Variants in CORIN observed in about 807,000 individuals in gnomAD.
CORIN encodes the protein corin, serine peptidase, also known as atrial natriuretic peptide-converting enzyme.
Under a neutral mutation model 125.3 loss-of-function variants are expected in CORIN, and 117 were observed. The observed-to-expected ratio is 0.93, with a 90% CI of 0.80 to 1.09. The LOEUF is 1.09. Among genes scored for constraint, CORIN ranks in the 50% least tolerant of loss-of-function variants. CORIN has a pLI of 0.00. For missense variants in CORIN, 1,253 were observed against 1,306.7 expected (o/e 0.96, Z 0.63); for synonymous variants, 450 against 466.4 (o/e 0.96, Z 0.45).
Position 47,600,319 on chromosome 4 carries a change from G to T in CORIN, c.2841C>A (p.Val947=), listed in dbSNP as rs1432560283. Residue 947 remains valine (V), a synonymous_variant, in exon 21 of 22, where the codon GTC becomes GTA. Coordinates refer to ENST00000273857, the MANE Select transcript of CORIN (RefSeq NM_006587.4). ...GACAATGTTCCAGAGAAATAATGCG[G>T]ACCTCTCCCTCTTGCAGCTTAAATG... The part of the protein sequence containing the change: ...KMPFKLQEGE[V]RIISLEHCQS... 2.4e-5 allele frequency: 39 copies of T among 1,612,698 alleles called. No individual in the cohort carries two copies. The East Asian group carries it at 8.7e-4, about 36-fold the overall frequency.
Position 47,804,771 on chromosome 4 carries a change from A to G in CORIN, c.208+2132T>C, listed in dbSNP as rs181731120. ...TTGTTAATGGGTACAAAAATTATGT[A>G]TAGTTAGAAAGAATGAATAAGATAT... On this transcript the variant is annotated intron_variant, in intron 2 of 21. Transcript: ENST00000273857. Among the ~76,000 whole-genome samples, 1,060 of 151,614 alleles carry G rather than the reference A, an allele frequency of 7.0e-3. 13 individuals carry two copies. Among genetic ancestry groups the G allele is most frequent in the African/African-American group, 0.024 (999 of 41,244 alleles).
intron 9 of CORIN, among the ~76,000 whole-genome samples, chr4:47,677,479 C>CT (rs1454803793): frequency 6.6e-6 from 1 of 152,134 alleles, no homozygotes; most frequent in East Asian, 1.9e-4. Flanking sequence ...TCTAGTTTTT[C>CT]TTTTTGAGAT....
At chr4:47,642,819 G>T (rs892886387) in intron 15 of CORIN, 52 of 1,447,424 alleles carry the variant, frequency 3.6e-5, no homozygotes, top group Middle Eastern at 2.5e-4. Flanking sequence ...GGTGACAAAA[G>T]AATGGCAGAC....
At chr4:47,779,575 A>G (rs1730450733) in intron 3 of CORIN, among the ~76,000 whole-genome samples, 1 of 151,680 alleles carries the variant, frequency 6.6e-6, no homozygotes, top group African/African-American at 2.4e-5. Flanking sequence ...AGCTGGGATT[A>G]CATGTGTTTG....
chr4:47,750,091 C>T (rs1220430631), intron 4 of CORIN, among the ~76,000 whole-genome samples: 4 of 152,182 alleles, frequency 2.6e-5, no homozygotes, highest in Non-Finnish European at 5.9e-5. Context: ...GATGACAACA[C>T]TACTGGAAAA....
chr4:47,693,125 T>C, intron 5 of CORIN, 42 bp from the exon 6 acceptor site: 3 of 1,253,594 alleles, frequency 2.4e-6, no homozygotes, highest in Non-Finnish European at 3.5e-6. Context: ...ATAAGATGGG[T>C]TTTTTTTCTT....
rs146111578 is a variant in CORIN at position 47,799,204 on chromosome 4, G to A, written c.208+7699C>T. On this transcript the variant is annotated intron_variant, in intron 2 of 21. Transcript: ENST00000273857. The stretch of plus-strand genomic sequence containing the variant: ...ACTGATGGACACCTAGGCTGAATCC[G>A]TGTCTTTGTTATTGTGAATAGTGCT... Among the ~76,000 whole-genome samples, 305 of 151,720 alleles carry A rather than the reference G, an allele frequency of 2.0e-3. 2 individuals are homozygous for A. The highest frequency in any genetic ancestry group is 6.8e-3 in the African/African-American group (281 of 41,346).
chr4:47,740,482 C>T (rs562600055), intron 5 of CORIN, among the ~76,000 whole-genome samples: 2 of 151,976 alleles, frequency 1.3e-5, no homozygotes, highest in Admixed American at 6.5e-5. Context: ...AAAAATCCCT[C>T]CTCTTTTCTG....
At position 47,644,032 on chromosome 4, in the gene CORIN, G is replaced by A. The variant is rs558093852; in HGVS notation, c.1958-776C>T. Among the ~76,000 whole-genome samples, 11 of 152,256 alleles carry A rather than the reference G, an allele frequency of 7.2e-5. No individual in the cohort carries two copies. The South Asian group carries it at 2.3e-3, about 32-fold the overall frequency. ...GCTGCTGTGCCATGTGCCCTAGCCT[G>A]GGACAGGAACAACCTGGAGAAAACA... On this transcript the variant is annotated intron_variant, in intron 14 of 21. Transcript: ENST00000273857.
At chr4:47,598,074 A>C (rs1287365060) in intron 21 of CORIN, among the ~76,000 whole-genome samples, 1 of 152,210 alleles carries the variant, frequency 6.6e-6, no homozygotes, top group African/African-American at 2.4e-5. Context: ...GCAATTAAAA[A>C]TGAAAGGGAG....
At chr4:47,690,410 A>AG (rs1345897244) in intron 6 of CORIN, among the ~76,000 whole-genome samples, 1 of 152,238 alleles carries the variant, frequency 6.6e-6, no homozygotes, top group Admixed American at 6.5e-5. Flanking sequence ...CAAAGCATGT[A>AG]GGTAAATGCT....
intron 17 of CORIN, 55 bp from the exon 18 acceptor site, chr4:47,624,003 T>C: frequency 6.9e-7 from 1 of 1,444,026 alleles, no homozygotes; most frequent in Non-Finnish European, 9.7e-7. Context: ...TCTTGTTCAA[T>C]TCAAACACTT....
At chr4:47,731,837 C>A (rs1727887229) in intron 5 of CORIN, among the ~76,000 whole-genome samples, 1 of 151,622 alleles carries the variant, frequency 6.6e-6, no homozygotes. Flanking sequence ...CCACTGCACT[C>A]CAGCCTGGGT....
At chr4:47,619,041 G>A (rs2109543577) in intron 19 of CORIN, among the ~76,000 whole-genome samples, 1 of 152,226 alleles carries the variant, frequency 6.6e-6, no homozygotes, top group African/African-American at 2.4e-5. Context: ...AGATGTTTCT[G>A]ACCATTACTA....
intron 2 of CORIN, among the ~76,000 whole-genome samples, chr4:47,788,884 C>A (rs1377913324): frequency 2.0e-5 from 3 of 152,126 alleles, no homozygotes; most frequent in Non-Finnish European, 4.4e-5. Flanking sequence ...AAAATTAGTT[C>A]CTTCTCATAT....
At chr4:47,768,240 C>T (rs953975611) in intron 3 of CORIN, among the ~76,000 whole-genome samples, 9 of 152,190 alleles carry the variant, frequency 5.9e-5, no homozygotes, top group Non-Finnish European at 1.0e-4. Context: ...TCGGACTCAG[C>T]CCGCCTGCAC....
At chr4:47,833,646 C>T (rs190949255) in intron 1 of CORIN, among the ~76,000 whole-genome samples, 9 of 151,814 alleles carry the variant, frequency 5.9e-5, no homozygotes, top group Admixed American at 1.3e-4. Context: ...AAAATATTTG[C>T]GAATCATATA....
intron 1 of CORIN, among the ~76,000 whole-genome samples, chr4:47,834,398 A>C (rs977212847): frequency 6.6e-6 from 1 of 152,184 alleles, no homozygotes; most frequent in Non-Finnish European, 1.5e-5. Flanking sequence ...AGGAATCTTA[A>C]AACAGTCAAA....
At chr4:47,634,817 T>C (rs1024558683) in intron 16 of CORIN, among the ~76,000 whole-genome samples, 1 of 152,058 alleles carries the variant, frequency 6.6e-6, no homozygotes, top group African/African-American at 2.4e-5. Context: ...ACAAAGAAGG[T>C]TGCTCCCATT....
Sources: allele counts gnomAD v4.1 joint callset (sites outside exome capture counted in the v4.1 genomes callset), GRCh38; gene constraint gnomAD v4.1.1; transcripts MANE v1.5; gene names NCBI Gene and HGNC (gene_info 2026-07-23, HGNC 2026-07-21).